The following DNAH17 variants were observed in gnomAD, a reference collection of about 807,000 sequenced individuals.
DNAH17 encodes dynein axonemal heavy chain 17.
In DNAH17, 376 loss-of-function variants were observed where a neutral mutation model predicts 485.6. That is an observed-to-expected ratio of 0.77 (90% CI 0.71 to 0.84). The LOEUF (loss-of-function observed/expected upper bound fraction) is 0.84, where lower values mean the gene tolerates loss of function less well. Ranked by LOEUF, DNAH17 falls within the 40% of genes least tolerant of loss-of-function variation. The pLI is 0.00. For synonymous variants in DNAH17, 3,031 were observed against 2,405.9 expected (o/e 1.26, Z -7.60); for missense variants, 6,370 against 5,839.3 (o/e 1.09, Z -2.96).
intron 24 of DNAH17, among the ~76,000 whole-genome samples, chr17:78,526,312 A>G (rs1480232267): frequency 2.6e-5 from 4 of 152,132 alleles, no homozygotes; most frequent in Admixed American, 2.6e-4. Flanking sequence ...CTGAATGTGA[A>G]CAGAGTGGAG....
At chr17:78,522,694 C>A in intron 25 of DNAH17, 3 of 201,894 alleles carry the variant, frequency 1.5e-5, no homozygotes, top group East Asian at 1.6e-4. Flanking sequence ...TTCCAAAGTT[C>A]AGAGAATGCA....
chr17:78,468,065 T>C (rs1441411340), intron 55 of DNAH17, among the ~76,000 whole-genome samples: 1 of 92,538 alleles, frequency 1.1e-5, no homozygotes, highest in Non-Finnish European at 2.3e-5. Flanking sequence ...GGTGCATTTA[T>C]CTACTTAAAC....
intron 26 of DNAH17, chr17:78,510,761 A>G (rs2090616724): frequency 1.9e-5 from 6 of 320,470 alleles, no homozygotes; most frequent in Non-Finnish European, 3.5e-5. Flanking sequence ...GCCCCCCCGC[A>G]AAATTCACAT....
chr17:78,424,287 G>A lies in DNAH17; in HGVS notation c.13142-134C>T, dbSNP rs1370299789. ...TACCCCAAAAGGCTTCAGGCCAGCT[G>A]CCACGGCTGGAAGCAGAGGCCTTCG... On this transcript the variant is annotated intron_variant, in intron 80 of 80. Coordinates refer to ENST00000389840, the MANE Select transcript of DNAH17 (RefSeq NM_173628.4). 16 of 1,185,084 alleles carry A rather than the reference G, an allele frequency of 1.4e-5. No homozygotes were observed. In the Admixed American group the frequency reaches 1.7e-4, roughly 13 times the overall value. 73.4% of individuals were successfully genotyped at this position (1,185,084 alleles called of 1,614,324 possible).
At chr17:78,479,927 CTT>C (rs1448184260) in intron 49 of DNAH17, among the ~76,000 whole-genome samples, 1 of 145,758 alleles carries the variant, frequency 6.9e-6, no homozygotes. Context: ...GTTTAGATAA[CTT>C]AGAGGCAAAG....
chr17:78,532,848 A>T, intron 19 of DNAH17, 112 bp from the exon 20 acceptor site: 1 of 1,228,340 alleles, frequency 8.1e-7, no homozygotes, highest in Non-Finnish European at 1.1e-6. Context: ...AGGGCTTCCA[A>T]TCTCTCATGA....
At chr17:78,483,342 A>G (rs1231210447) in intron 48 of DNAH17, among the ~76,000 whole-genome samples, 4 of 152,206 alleles carry the variant, frequency 2.6e-5, no homozygotes, top group Non-Finnish European at 5.9e-5. Flanking sequence ...CTCAAAATCC[A>G]GTTCTGGCTG....
chr17:78,495,648 G>A (rs1376462613), intron 38 of DNAH17, among the ~76,000 whole-genome samples: 1 of 152,054 alleles, frequency 6.6e-6, no homozygotes, highest in Non-Finnish European at 1.5e-5. Flanking sequence ...ATCTTGACCG[G>A]GCTGGTCTTG....
Position 78,566,999 on chromosome 17 carries a change from C to A in DNAH17, c.1452G>T (p.Ser484=). The change falls in exon 10 of 81, where the codon TCG becomes TCT. Residue 484 remains serine (S), a splice_region_variant and synonymous_variant. Coordinates refer to ENST00000389840, the MANE Select transcript of DNAH17 (RefSeq NM_173628.4). The part of the protein sequence containing the change: ...CKYDPLDPGD[S]NFDRDYADFE... ...CATCCAACCCTGCCCGAGGACCTAC[C>A]GAGTCTCCAGGGTCCAAGGGATCAT... 1 of 1,608,994 alleles carries A rather than the reference C, an allele frequency of 6.2e-7. No individual in the cohort carries two copies. Among genetic ancestry groups the A allele is most frequent in the Non-Finnish European group, 8.5e-7 (1 of 1,177,228 alleles).
rs371641933 is a variant in DNAH17, at chr17:78,532,684, C to T, written c.2912G>A (p.Ser971Asn). The change falls in exon 20 of 81, where the codon AGC (serine) becomes AAC (asparagine). Residue 971 changes from serine (S) to asparagine (N), a missense_variant. By Grantham distance (46) the Ser-to-Asn change is conservative (BLOSUM62 1). Transcript: ENST00000389840. ...DLIEMREEVS[S>N]LVINAMKEAE... ...CTCCTTCATGGCATTGATGACCAGGCTGGACACCTCCTCCCTCATCTCTAT... is the reference window on the plus strand; with the variant it reads ...CTCCTTCATGGCATTGATGACCAGGTTGGACACCTCCTCCCTCATCTCTAT... 1 of 1,593,364 alleles carries T rather than the reference C, an allele frequency of 6.3e-7. No homozygotes were observed. Among genetic ancestry groups the T allele is most frequent in the Non-Finnish European group, 8.6e-7 (1 of 1,168,812 alleles).
At chr17:78,475,256 C>G in intron 54 of DNAH17, 22 bp downstream of exon 54, 5 of 1,612,904 alleles carry the variant, frequency 3.1e-6, no homozygotes, top group Non-Finnish European at 4.2e-6. Context: ...GAAAGGCAGC[C>G]TATTGAACAG....
chr17:78,558,318 C>A, intron 13 of DNAH17, 64 bp from the exon 14 acceptor site: 1 of 1,566,618 alleles, frequency 6.4e-7, no homozygotes, highest in Admixed American at 1.9e-5. Flanking sequence ...AGTGTTCAAG[C>A]AACAGAAATG....
intron 75 of DNAH17, among the ~76,000 whole-genome samples, chr17:78,431,559 G>A (rs760167493): frequency 3.3e-5 from 5 of 151,792 alleles, no homozygotes; most frequent in East Asian, 3.9e-4. Flanking sequence ...TTTGTGTTCC[G>A]TTCGCATGGG....
chr17:78,466,963 G>T (rs2088499417), intron 55 of DNAH17, 147 bp from the exon 56 acceptor site: 1 of 766,886 alleles, frequency 1.3e-6, no homozygotes, highest in Non-Finnish European at 1.9e-6. Flanking sequence ...CTGGTTCTGG[G>T]TTTGAAGGGC....
At chr17:78,508,692 T>C (rs746128539) in intron 27 of DNAH17, among the ~76,000 whole-genome samples, 3 of 152,114 alleles carry the variant, frequency 2.0e-5, no homozygotes, top group Non-Finnish European at 2.9e-5. Flanking sequence ...GAGCTGGAGA[T>C]GGGGACATGT....
In DNAH17 at chr17:78,495,092, C is replaced by T. The variant is rs2090019291; in HGVS notation, c.5909G>A (p.Cys1970Tyr). Residue 1970 changes from cysteine (C) to tyrosine (Y), a missense_variant, in exon 39 of 81, where the codon TGT becomes TAT. Coordinates refer to ENST00000389840, the MANE Select transcript of DNAH17 (RefSeq NM_173628.4). ...PENLKALFRPCAMVVPDFELI... is the reference protein window; with the variant it reads ...PENLKALFRPYAMVVPDFELI... ...TTCGAAGTCGGGGACGACCATGGCA[C>T]AGGGCCTGGGGAGGTCAGCGGTGCC... 1 of 1,606,622 alleles carries T rather than the reference C, an allele frequency of 6.2e-7. No individual in the cohort carries two copies. The highest frequency in any genetic ancestry group is 8.5e-7 in the Non-Finnish European group (1 of 1,176,782).
At chr17:78,466,116 G>T (rs4629031) in intron 56 of DNAH17, among the ~76,000 whole-genome samples, 1 of 152,142 alleles carries the variant, frequency 6.6e-6, no homozygotes, top group Non-Finnish European at 1.5e-5. Flanking sequence ...GGATCCTGTT[G>T]ATCTGTGACC....
intron 33 of DNAH17, chr17:78,502,224 G>A: frequency 8.4e-6 from 3 of 355,578 alleles, no homozygotes; most frequent in Non-Finnish European, 1.5e-5. Context: ...TAAGGGCCCT[G>A]CAGTGTCATG....
At chr17:78,556,608 T>C (rs2092029173) in intron 14 of DNAH17, among the ~76,000 whole-genome samples, 1 of 151,874 alleles carries the variant, frequency 6.6e-6, no homozygotes, top group South Asian at 2.1e-4. Context: ...GGTATATGAG[T>C]GGAATCCATA....
Sources: gnomAD v4.1 joint callset for allele counts (sites outside exome capture counted in the v4.1 genomes callset) on GRCh38, gnomAD v4.1.1 for gene constraint, MANE v1.5 for transcripts, NCBI Gene and HGNC (gene_info 2026-07-23, HGNC 2026-07-21) for gene names.